The following ZNF184 variants were observed in gnomAD, a reference collection of about 807,000 sequenced individuals.
ZNF184 encodes the protein zinc finger protein 184 (Kruppel-like).
Under a neutral mutation model 54.4 loss-of-function variants are expected in ZNF184, and 16 were observed. The ratio of observed to expected loss-of-function variants is 0.29; its 90% confidence interval spans 0.20 to 0.45. The LOEUF (loss-of-function observed/expected upper bound fraction) is 0.45. Ranked by LOEUF, ZNF184 falls within the 20% of genes least tolerant of loss-of-function variation. The pLI, the probability that ZNF184 is intolerant of heterozygous loss-of-function variation, is 1.00. For missense variants in ZNF184, 681 were observed against 888.2 expected, an observed-to-expected ratio of 0.77 and a Z score of 2.97; for synonymous variants, 254 against 295.3, an observed-to-expected ratio of 0.86 and a Z score of 1.43.
At chr6:27,413,540 A>G in the ZNF184 span, among the ~76,000 whole-genome samples, 1 of 152,122 alleles carries the variant, frequency 6.6e-6, no homozygotes, top group Non-Finnish European at 1.5e-5. Flanking sequence ...AGCTATCAAA[A>G]TTTTGCCACA....
At chr6:27,439,380 C>T in the ZNF184 span, among the ~76,000 whole-genome samples, 1 of 152,216 alleles carries the variant, frequency 6.6e-6, no homozygotes. Context: ...GACAAAATCT[C>T]ATGCCATCCG....
chr6:27,449,137 A>G (rs540308099), downstream of ZNF184, among the ~76,000 whole-genome samples: 1 of 152,326 alleles, frequency 6.6e-6, no homozygotes, highest in South Asian at 2.1e-4. Flanking sequence ...AAACTACTCA[A>G]GTGGTTTAAT....
chr6:27,422,208 GAAAGAAA>G, the ZNF184 span, among the ~76,000 whole-genome samples: 1 of 106,468 alleles, frequency 9.4e-6, no homozygotes, highest in Non-Finnish European at 2.0e-5. Flanking sequence ...AAGAAAGAAA[GAAAGAAA>G]GAAAAGAAAA....
At chr6:27,458,216 G>T (rs1384360640) in intron 3 of ZNF184, among the ~76,000 whole-genome samples, 1 of 142,210 alleles carries the variant, frequency 7.0e-6, no homozygotes, top group Non-Finnish European at 1.5e-5. Context: ...GAGAGAGATC[G>T]ATAGATATAA....
chr6:27,422,192 G>A, the ZNF184 span, among the ~76,000 whole-genome samples: 45 of 26,888 alleles, frequency 1.7e-3, 9 homozygotes, highest in South Asian at 0.027. Flanking sequence ...AAGAAAGAAA[G>A]AAAGAAAGAA....
At position 27,467,904 on chromosome 6, in the gene ZNF184, G is replaced by A; in HGVS notation, c.24C>T (p.Asp8=). The change falls in exon 3 of 6, where the codon GAC becomes GAT. Residue 8 remains aspartate (D), a synonymous_variant. Coordinates refer to ENST00000683788, the MANE Select transcript of ZNF184 (RefSeq NM_001318891.2). MEDLSSP[D]STLLQGGHNL... ...TATGTCCCCCTTGGAGAAGGGTGGA[G>A]TCTGGAGAGGACAGATCTAGGGGGA... 6.2e-7 allele frequency: 1 copy of A among 1,611,576 alleles called. No homozygotes were observed. The highest frequency in any genetic ancestry group is 1.3e-5 in the African/African-American group (1 of 74,914).
the ZNF184 span, chr6:27,408,003 T>C: frequency 1.3e-5 from 17 of 1,349,418 alleles, no homozygotes; most frequent in Non-Finnish European, 1.8e-5. Context: ...GTAGATGTTA[T>C]TTGTTCATCT....
intron 5 of ZNF184, among the ~76,000 whole-genome samples, chr6:27,455,974 C>A (rs1279795583): frequency 6.6e-6 from 1 of 152,140 alleles, no homozygotes; most frequent in East Asian, 1.9e-4. Flanking sequence ...AAATCAGAAG[C>A]TAGCTAGGTG....
In ZNF184 at chr6:27,472,534, A is replaced by G; in HGVS notation, c.-139-101T>C. 1 of 534,936 alleles carries G rather than the reference A, an allele frequency of 1.9e-6. No individual in the cohort carries two copies. Among genetic ancestry groups the G allele is most frequent in the Non-Finnish European group, 3.4e-6 (1 of 295,112 alleles). The allele number at this position is 534,936 out of a possible 1,614,324, so 33.1% of individuals were successfully genotyped here. On this transcript the variant is annotated intron_variant, in intron 1 of 5. Transcript: ENST00000683788. The surrounding 1 kb of genome is among the most constrained non-coding windows in gnomAD (Gnocchi z 4.8). The stretch of plus-strand genomic sequence containing the variant: ...TGCTACACAAGAGAAGTGCCCCAAG[A>G]GAGCACTAGAGAGGTGTGTGGCACT...
chr6:27,451,829 C>T lies in ZNF184; in HGVS notation c.1730G>A (p.Arg577Lys), dbSNP rs1762732426. ...AGGTCGTTCTCCAGTATGGATCTTCCTATGCTGAATAAGGGATGAACCATA... is the reference window on the plus strand; with the variant it reads ...AGGTCGTTCTCCAGTATGGATCTTCTTATGCTGAATAAGGGATGAACCATA... ...FSYGSSLIQH[R>K]KIHTGERPYK... is the part of the protein sequence containing the mutation. The change falls in exon 6 of 6, where the codon AGG becomes AAG. Residue 577 changes from arginine to lysine, a missense_variant. Arg to Lys is a conservative substitution (Grantham distance 26). Coordinates refer to ENST00000683788, the MANE Select transcript of ZNF184 (RefSeq NM_001318891.2). The T allele has an allele frequency of 6.2e-7, 1 of 1,613,228 alleles. No individual in the cohort carries two copies. Among genetic ancestry groups the T allele is most frequent in the African/African-American group, 1.3e-5 (1 of 74,894 alleles).
At chr6:27,426,107 A>G in the ZNF184 span, among the ~76,000 whole-genome samples, 4 of 152,292 alleles carry the variant, frequency 2.6e-5, no homozygotes, top group Middle Eastern at 0.014. This position sits in a 1 kb window ranked among gnomAD's most constrained non-coding sequence, Gnocchi z 4.2. Context: ...CATCACCTAT[A>G]CAACTCCTAA....
chr6:27,456,952 T>C (rs1415564480), intron 4 of ZNF184, 31 bp from the exon 5 acceptor site: 1 of 1,573,054 alleles, frequency 6.4e-7, no homozygotes, highest in Non-Finnish European at 8.7e-7. Flanking sequence ...GAAAGAAACC[T>C]GCAGTAAGGG....
the ZNF184 span, among the ~76,000 whole-genome samples, chr6:27,413,868 G>C: frequency 6.6e-6 from 1 of 152,184 alleles, no homozygotes; most frequent in African/African-American, 2.4e-5. Flanking sequence ...TCTTCCATTT[G>C]ACTCTCACCT....
chr6:27,423,595 G>A, the ZNF184 span, among the ~76,000 whole-genome samples: 4 of 151,116 alleles, frequency 2.6e-5, no homozygotes, highest in South Asian at 2.1e-4. Context: ...TCAGCAATAC[G>A]CACAAATACA....
chr6:27,447,283 G>T (rs751851225), downstream of ZNF184, among the ~76,000 whole-genome samples: 1 of 151,568 alleles, frequency 6.6e-6, no homozygotes, highest in Non-Finnish European at 1.5e-5. Flanking sequence ...CGGATGGAAT[G>T]AATGTATTTT....
At chr6:27,447,329 G>A (rs191615871), downstream of ZNF184, among the ~76,000 whole-genome samples, 58 of 152,226 alleles carry the variant, frequency 3.8e-4, no homozygotes, top group African/African-American at 1.1e-3. Flanking sequence ...AGGGTCAGGG[G>A]CAAAATTCTA....
rs141465244 is a variant in ZNF184 at position 27,469,566 on chromosome 6, G to A, written c.8-1646C>T. Among the ~76,000 whole-genome samples the A allele has an allele frequency of 1.1e-4, 17 of 152,232 alleles. No individual in the cohort carries two copies. In the East Asian group the frequency reaches 2.1e-3, roughly 19 times the overall value. On this transcript the variant is annotated intron_variant, in intron 2 of 5. Coordinates refer to ENST00000683788, the MANE Select transcript of ZNF184 (RefSeq NM_001318891.2). ...TGAGGCAGGAGAACTGCTTGAACCC[G>A]GGAGAGGGAGGTTGCAGTGAGCCGA...
At chr6:27,427,923 AC>A in the ZNF184 span, among the ~76,000 whole-genome samples, 1 of 152,150 alleles carries the variant, frequency 6.6e-6, no homozygotes, top group Non-Finnish European at 1.5e-5. Flanking sequence ...CACCATCTAT[AC>A]CAACCTCTTG....
At chr6:27,458,183 G>C (rs970133958) in intron 3 of ZNF184, among the ~76,000 whole-genome samples, 5 of 150,614 alleles carry the variant, frequency 3.3e-5, no homozygotes, top group Admixed American at 1.3e-4. Flanking sequence ...TTGAAATCTG[G>C]AAGGCAAAAT....
Sources: allele counts gnomAD v4.1 joint callset (sites outside exome capture counted in the v4.1 genomes callset), GRCh38; gene constraint gnomAD v4.1.1; non-coding constraint Gnocchi (gnomAD v3.1); transcripts MANE v1.5; gene names NCBI Gene and HGNC (gene_info 2026-07-23, HGNC 2026-07-21).